The following ADGRB3 variants were observed in gnomAD, a reference collection of about 807,000 sequenced individuals.
The protein encoded by ADGRB3 is adhesion G protein-coupled receptor B3, also known as brain-specific angiogenesis inhibitor 3.
ADGRB3 carries 37 observed loss-of-function variants against 193.4 expected under a neutral mutation model. The ratio of observed to expected loss-of-function variants is 0.19; its 90% CI spans 0.15 to 0.25. The LOEUF is 0.25. ADGRB3 is among the 10% of genes least tolerant of loss of function. The probability of loss-of-function intolerance (pLI) is 1.00; values close to 1 mark genes in which losing one functional copy is unlikely to be tolerated. For synonymous variants in ADGRB3, 690 were observed against 644.2 expected (o/e 1.07, Z -1.08); for missense variants, 1,637 against 1,852.9 (o/e 0.88, Z 2.14).
chr6:68,850,867 G>T (rs952099416), intron 3 of ADGRB3, among the ~76,000 whole-genome samples: 1 of 151,822 alleles, frequency 6.6e-6, no homozygotes, highest in South Asian at 2.1e-4. Context: ...ATTATATATT[G>T]TTACATAATG....
intron 3 of ADGRB3, among the ~76,000 whole-genome samples, chr6:68,873,476 A>G (rs140276707): frequency 1.8e-4 from 28 of 152,228 alleles, no homozygotes; most frequent in Middle Eastern, 3.4e-3. Flanking sequence ...AATATAACAG[A>G]TGTGATTTCT....
intron 3 of ADGRB3, among the ~76,000 whole-genome samples, chr6:68,685,965 A>G (rs560898571): frequency 6.6e-6 from 1 of 152,324 alleles, no homozygotes; most frequent in South Asian, 2.1e-4. Flanking sequence ...TGATGATACC[A>G]GTCCATTCCT....
intron 3 of ADGRB3, among the ~76,000 whole-genome samples, chr6:68,804,253 C>A (rs974584801): frequency 1.3e-5 from 2 of 152,170 alleles, no homozygotes; most frequent in Non-Finnish European, 2.9e-5. Flanking sequence ...TGCTGTTGCC[C>A]TCTGTCTGTA....
chr6:69,151,860 G>C (rs1193108632), intron 17 of ADGRB3, among the ~76,000 whole-genome samples: 1 of 152,202 alleles, frequency 6.6e-6, no homozygotes, highest in East Asian at 1.9e-4. Context: ...GAGGGACCCA[G>C]TGGGAGGTAA....
At chr6:69,175,278 C>A (rs1031119790) in intron 17 of ADGRB3, among the ~76,000 whole-genome samples, 1 of 152,140 alleles carries the variant, frequency 6.6e-6, no homozygotes, top group African/African-American at 2.4e-5. Flanking sequence ...TTAGGTCTTA[C>A]ATGTAAGTGT....
chr6:68,670,343 A>G (rs1768914297), intron 3 of ADGRB3, among the ~76,000 whole-genome samples: 3 of 151,988 alleles, frequency 2.0e-5, no homozygotes, highest in Admixed American at 1.3e-4. Flanking sequence ...CTTTTCACTC[A>G]GACCAGTGGC....
At chr6:68,771,829 A>G (rs940064166) in intron 3 of ADGRB3, among the ~76,000 whole-genome samples, 1 of 152,090 alleles carries the variant, frequency 6.6e-6, no homozygotes, top group Non-Finnish European at 1.5e-5. Flanking sequence ...GGGGAAGGAA[A>G]GGTTGCAGAA....
At chr6:68,910,205 T>C (rs896220349) in intron 3 of ADGRB3, among the ~76,000 whole-genome samples, 9 of 152,370 alleles carry the variant, frequency 5.9e-5, no homozygotes, top group Non-Finnish European at 1.0e-4. Context: ...AAATATCTTC[T>C]TTTGAGAAGT....
chr6:69,306,515 A>T (rs1054617858), intron 20 of ADGRB3, among the ~76,000 whole-genome samples: 1 of 151,528 alleles, frequency 6.6e-6, no homozygotes, highest in Non-Finnish European at 1.5e-5. Context: ...CTTTCTTGGG[A>T]AGCTTACATA....
rs117566852 is a variant in ADGRB3 at position 69,338,367 on chromosome 6, C to T, written c.3189-549C>T. Among the ~76,000 whole-genome samples, 87 of 151,978 alleles carry T rather than the reference C, an allele frequency of 5.7e-4. 1 individual carries two copies. In the East Asian group the frequency reaches 0.014, roughly 25 times the overall value. On this transcript the variant is annotated intron_variant, in intron 24 of 31. Transcript: ENST00000370598. ...TATTCAGATCATCCTAAAATGTGGA[C>T]GATACATATTATAAGAAATTTCAAA... is the stretch of plus-strand genomic sequence containing the variant.
intron 3 of ADGRB3, among the ~76,000 whole-genome samples, chr6:68,684,884 A>G (rs192339566): frequency 2.6e-5 from 4 of 152,250 alleles, no homozygotes; most frequent in Admixed American, 6.5e-5. Context: ...TCATAAGAGC[A>G]TGGGGTAACA....
rs1159234049 is a variant in ADGRB3, at chr6:69,058,924, G to A, written c.2334-4010G>A. On this transcript the variant is annotated intron_variant, in intron 15 of 31. Transcript: ENST00000370598. Reference sequence around the variant, plus strand: ...TGAGAAGAATGTGTATTCTGCTGTTGTTGTATGGAGTGTTCTGCATGTGCC... The same window carrying A: ...TGAGAAGAATGTGTATTCTGCTGTTATTGTATGGAGTGTTCTGCATGTGCC... Among the ~76,000 whole-genome samples, 6 of 152,122 alleles carry A rather than the reference G, an allele frequency of 3.9e-5. No individual in the cohort carries two copies. In the East Asian group the frequency reaches 9.7e-4, roughly 25 times the overall value.
chr6:69,135,213 TAG>T (rs1196952376), intron 17 of ADGRB3, among the ~76,000 whole-genome samples: 1 of 152,002 alleles, frequency 6.6e-6, no homozygotes, highest in Non-Finnish European at 1.5e-5. Flanking sequence ...TTGTCCATTA[TAG>T]ACTTCTTATC....
chr6:68,731,245 C>G (rs1765769160), intron 3 of ADGRB3, among the ~76,000 whole-genome samples: 1 of 151,510 alleles, frequency 6.6e-6, no homozygotes, highest in African/African-American at 2.4e-5. Flanking sequence ...CTATAGATAT[C>G]TTAATCCTCG....
chr6:69,071,584 C>G (rs1334098791), intron 16 of ADGRB3, among the ~76,000 whole-genome samples: 5 of 152,076 alleles, frequency 3.3e-5, no homozygotes, highest in Non-Finnish European at 7.4e-5. Flanking sequence ...TAGAGTTCAG[C>G]TAGAGTTTTG....
Position 68,846,126 on chromosome 6 carries a change from CT to C in ADGRB3, c.758-84432del, listed in dbSNP as rs553185566. 1.6e-3 allele frequency among the ~76,000 whole-genome samples: 250 copies of C among 152,270 alleles called. 3 individuals carry two copies. The highest frequency in any genetic ancestry group is 5.8e-3 in the African/African-American group (241 of 41,544). Reference sequence around the variant, plus strand: ...CAAATAAACTGGCAGCATTTTGCCCCTGCCCTAGAGATCTGTGGAACTTTGA... The same window carrying C: ...CAAATAAACTGGCAGCATTTTGCCCCGCCCTAGAGATCTGTGGAACTTTGA... On this transcript the variant is annotated intron_variant, in intron 3 of 31. Coordinates refer to ENST00000370598, the MANE Select transcript of ADGRB3 (RefSeq NM_001704.3).
At chr6:69,024,867 C>T (rs1020501836) in intron 13 of ADGRB3, among the ~76,000 whole-genome samples, 3 of 151,926 alleles carry the variant, frequency 2.0e-5, no homozygotes, top group Non-Finnish European at 4.4e-5. Flanking sequence ...CCGAGGCAGG[C>T]GGATCATGAG....
chr6:68,998,609 T>C (rs1036939185), intron 11 of ADGRB3, among the ~76,000 whole-genome samples: 6 of 152,244 alleles, frequency 3.9e-5, no homozygotes, highest in African/African-American at 2.4e-5. Context: ...CTTAACTCTT[T>C]GGCAACTGTT....
intron 16 of ADGRB3, among the ~76,000 whole-genome samples, chr6:69,074,721 A>G (rs1022189491): frequency 1.3e-5 from 2 of 151,382 alleles, no homozygotes; most frequent in Non-Finnish European, 1.5e-5. Context: ...ATTTTTTTGT[A>G]TTTTTAGTAC....
Sources: allele counts gnomAD v4.1 joint callset (sites outside exome capture counted in the v4.1 genomes callset), GRCh38; gene constraint gnomAD v4.1.1; transcripts MANE v1.5; gene names NCBI Gene and HGNC (gene_info 2026-07-23, HGNC 2026-07-21).